CCSER1: variants seen among roughly 807,000 people sequenced by gnomAD.
CCSER1 encodes serine-rich coiled-coil domain-containing protein 1.
In CCSER1, 41 loss-of-function variants were observed where a neutral mutation model predicts 82.0. The ratio of observed to expected loss-of-function variants is 0.50; its 90% CI spans 0.39 to 0.65. The LOEUF is 0.65. Among genes scored for constraint, CCSER1 ranks in the 30% least tolerant of loss-of-function variants. The probability of loss-of-function intolerance (pLI) is 0.00; values close to 1 mark genes in which losing one functional copy is unlikely to be tolerated. For synonymous variants in CCSER1, 414 were observed against 383.9 expected, an observed-to-expected ratio of 1.08 and a Z score of -0.92; for missense variants, 1,119 against 1,064.2, an observed-to-expected ratio of 1.05 and a Z score of -0.72.
At chr4:91,276,313 T>C (rs1380975701) in intron 10 of CCSER1, among the ~76,000 whole-genome samples, 4 of 124,278 alleles carry the variant, frequency 3.2e-5, no homozygotes, top group Non-Finnish European at 5.2e-5. Flanking sequence ...TTTTTTTTTG[T>C]CCTCAACTTC....
intron 6 of CCSER1, among the ~76,000 whole-genome samples, chr4:90,643,914 GT>G (rs1045034475): frequency 6.6e-6 from 1 of 151,912 alleles, no homozygotes; most frequent in Non-Finnish European, 1.5e-5. Flanking sequence ...CCCTTAAAAA[GT>G]TTTTTTTAAT....
At chr4:91,127,244 T>C (rs908061310) in intron 10 of CCSER1, among the ~76,000 whole-genome samples, 1 of 152,054 alleles carries the variant, frequency 6.6e-6, no homozygotes, top group African/African-American at 2.4e-5. Context: ...CCAAGGGCAC[T>C]ATATGGATAA....
At chr4:90,587,354 G>C (rs927420558) in intron 5 of CCSER1, among the ~76,000 whole-genome samples, 5 of 152,172 alleles carry the variant, frequency 3.3e-5, no homozygotes, top group African/African-American at 1.2e-4. Context: ...GATCACGCCT[G>C]TAATTCCAGC....
intron 10 of CCSER1, among the ~76,000 whole-genome samples, chr4:91,180,084 C>G (rs973469586): frequency 6.6e-6 from 1 of 152,226 alleles, no homozygotes; most frequent in Admixed American, 6.5e-5. Flanking sequence ...ACTCTAGACC[C>G]TCTTTGCCTG....
At chr4:90,233,309 T>G (rs1745037364) in intron 1 of CCSER1, among the ~76,000 whole-genome samples, 1 of 152,082 alleles carries the variant, frequency 6.6e-6, no homozygotes. Flanking sequence ...AATGATGAGT[T>G]CATGTCCTTT....
chr4:90,857,162 A>G (rs1764553891), intron 8 of CCSER1, among the ~76,000 whole-genome samples: 2 of 152,082 alleles, frequency 1.3e-5, no homozygotes, highest in South Asian at 4.1e-4. Flanking sequence ...TGAATCAGGT[A>G]TCTGGAAGTA....
chr4:90,884,765 G>T (rs1295926985), intron 8 of CCSER1, among the ~76,000 whole-genome samples: 1 of 152,074 alleles, frequency 6.6e-6, no homozygotes, highest in Non-Finnish European at 1.5e-5. Context: ...GTAAAATTTG[G>T]CTGGAAGGTG....
chr4:90,940,217 C>G (rs1044674789), intron 9 of CCSER1, among the ~76,000 whole-genome samples: 2 of 152,082 alleles, frequency 1.3e-5, no homozygotes, highest in African/African-American at 2.4e-5. Context: ...GGTCACCTAA[C>G]TAGGTACAAT....
At chr4:91,532,871 T>TAAAA (rs200914112) in intron 10 of CCSER1, among the ~76,000 whole-genome samples, 2 of 138,160 alleles carry the variant, frequency 1.4e-5, no homozygotes, top group Non-Finnish European at 3.2e-5. Flanking sequence ...CCCTGTCTCA[T>TAAAA]AAAAAAAAAA....
At chr4:90,672,703 T>C (rs1733026273) in intron 6 of CCSER1, among the ~76,000 whole-genome samples, 1 of 152,082 alleles carries the variant, frequency 6.6e-6, no homozygotes, top group Non-Finnish European at 1.5e-5. Context: ...CTCACTGAGC[T>C]AAATCATTTG....
intron 3 of CCSER1, among the ~76,000 whole-genome samples, chr4:90,383,832 A>G (rs1015791968): frequency 6.6e-6 from 1 of 152,006 alleles, no homozygotes; most frequent in Non-Finnish European, 1.5e-5. Context: ...TCTGGACTCA[A>G]TCATTCCTGC....
chr4:91,248,835 A>G (rs1740027615), intron 10 of CCSER1, among the ~76,000 whole-genome samples: 1 of 152,186 alleles, frequency 6.6e-6, no homozygotes, highest in Non-Finnish European at 1.5e-5. Flanking sequence ...TATTGTGGAT[A>G]CTGGAACTGG....
At chr4:90,897,897 G>C (rs943932047) in intron 8 of CCSER1, among the ~76,000 whole-genome samples, 1 of 151,952 alleles carries the variant, frequency 6.6e-6, no homozygotes, top group African/African-American at 2.4e-5. Context: ...ATGTTTGTTG[G>C]CAACTTGTAT....
intron 8 of CCSER1, among the ~76,000 whole-genome samples, chr4:90,852,146 A>G (rs771867749): frequency 6.6e-6 from 1 of 152,224 alleles, no homozygotes; most frequent in Non-Finnish European, 1.5e-5. Context: ...ATAAGGAACA[A>G]ACTTTACTCA....
At chr4:90,873,046 A>T (rs762610705) in intron 8 of CCSER1, among the ~76,000 whole-genome samples, 1 of 151,912 alleles carries the variant, frequency 6.6e-6, no homozygotes, top group African/African-American at 2.4e-5. Context: ...TAAATATCTT[A>T]GGTAGTCTTA....
At chr4:91,511,589 A>C (rs1759828211) in intron 10 of CCSER1, among the ~76,000 whole-genome samples, 1 of 152,162 alleles carries the variant, frequency 6.6e-6, no homozygotes, top group South Asian at 2.1e-4. Context: ...CGCATCACTC[A>C]TATTACTGCC....
intron 10 of CCSER1, among the ~76,000 whole-genome samples, chr4:91,542,787 G>T (rs181574667): frequency 2.0e-4 from 30 of 152,266 alleles, no homozygotes; most frequent in Middle Eastern, 3.4e-3. Context: ...TGTTGATTTG[G>T]GGTGGAGAGT....
At chr4:91,284,627 C>T (rs1313758337) in intron 10 of CCSER1, among the ~76,000 whole-genome samples, 1 of 152,054 alleles carries the variant, frequency 6.6e-6, no homozygotes, top group Non-Finnish European at 1.5e-5. Context: ...TTGCCCATTC[C>T]ATCCATGTCT....
At chr4:90,851,734 G>T (rs1274459896) in intron 8 of CCSER1, among the ~76,000 whole-genome samples, 3 of 152,032 alleles carry the variant, frequency 2.0e-5, no homozygotes, top group African/African-American at 7.2e-5. Flanking sequence ...CTAGATAGCT[G>T]GATTGATCTT....
Sources: allele counts gnomAD v4.1 joint callset (sites outside exome capture counted in the v4.1 genomes callset), GRCh38; gene constraint gnomAD v4.1.1; transcripts MANE v1.5; gene names NCBI Gene and HGNC (gene_info 2026-07-23, HGNC 2026-07-21).